Variants in YES1 observed in about 807,000 individuals in gnomAD.
YES1 encodes the protein tyrosine-protein kinase Yes.
In YES1, 39 loss-of-function variants were observed where a neutral mutation model predicts 70.4. The observed-to-expected ratio is 0.55, with a 90% CI of 0.43 to 0.72. The LOEUF (loss-of-function observed/expected upper bound fraction) is 0.72. YES1 is among the 30% of genes least tolerant of loss of function. The pLI is 0.00. For synonymous variants in YES1, 198 were observed against 218.6 expected (o/e 0.91, Z 0.83); for missense variants, 495 against 644.8 (o/e 0.77, Z 2.52).
intron 1 of YES1, among the ~76,000 whole-genome samples, chr18:792,616 T>C (rs560773557): frequency 1.3e-5 from 2 of 151,690 alleles, no homozygotes; most frequent in South Asian, 2.1e-4. Flanking sequence ...TATACATACA[T>C]ATATATACGC....
At chr18:743,967 T>C (rs1380540934) in intron 6 of YES1, among the ~76,000 whole-genome samples, 2 of 149,430 alleles carry the variant, frequency 1.3e-5, no homozygotes, top group African/African-American at 4.9e-5. Flanking sequence ...ATGTATATAC[T>C]AATATATAGT....
At chr18:801,685 A>T (rs1233245759) in intron 1 of YES1, among the ~76,000 whole-genome samples, 1 of 152,210 alleles carries the variant, frequency 6.6e-6, no homozygotes, top group Non-Finnish European at 1.5e-5. Flanking sequence ...TACAAACTAC[A>T]TATATATGTA....
chr18:755,928 C>T (rs2080400684), intron 2 of YES1, among the ~76,000 whole-genome samples: 1 of 152,082 alleles, frequency 6.6e-6, no homozygotes, highest in Non-Finnish European at 1.5e-5. Flanking sequence ...TTTTTAAGAG[C>T]CTTCTGTCTC....
Position 759,663 on chromosome 18 carries a change from C to T in YES1, c.-8-2828G>A, listed in dbSNP as rs550215449. Among the ~76,000 whole-genome samples, 18 of 152,028 alleles carry T rather than the reference C, an allele frequency of 1.2e-4. 1 individual carries two copies. Among genetic ancestry groups the T allele is most frequent in the South Asian group, 1.0e-3 (5 of 4,816 alleles). Reference sequence around the variant, plus strand: ...CAACATAGTACAATAACTATTTACACTGTATTAGGTATTATAAGTAATCTG... The same window carrying T: ...CAACATAGTACAATAACTATTTACATTGTATTAGGTATTATAAGTAATCTG... On this transcript the variant is annotated intron_variant, in intron 1 of 11. Coordinates refer to ENST00000314574, the MANE Select transcript of YES1 (RefSeq NM_005433.4).
chr18:737,187 C>G, intron 9 of YES1: 1 of 434,448 alleles, frequency 2.3e-6, no homozygotes, highest in Non-Finnish European at 4.1e-6. Context: ...GTGCGGTGGC[C>G]CACACCTATA....
chr18:743,491 T>A (rs925221928), intron 6 of YES1, 76 bp from the exon 7 acceptor site: 1 of 1,243,590 alleles, frequency 8.0e-7, no homozygotes, highest in African/African-American at 1.5e-5. Flanking sequence ...ATGTTTTAAG[T>A]TTAAACTGTA....
At chr18:796,653 G>C (rs1261932612) in intron 1 of YES1, among the ~76,000 whole-genome samples, 1 of 152,192 alleles carries the variant, frequency 6.6e-6, no homozygotes, top group African/African-American at 2.4e-5. Flanking sequence ...TGTAGTCTCA[G>C]TTGCTGAGGC....
intron 1 of YES1, among the ~76,000 whole-genome samples, chr18:778,604 C>T (rs1392837359): frequency 6.6e-6 from 1 of 152,078 alleles, no homozygotes; most frequent in African/African-American, 2.4e-5. Flanking sequence ...GGCATTTTGC[C>T]CAGATGGCTC....
At chr18:742,652 T>C (rs1205481177) in intron 8 of YES1, among the ~76,000 whole-genome samples, 1 of 152,222 alleles carries the variant, frequency 6.6e-6, no homozygotes, top group African/African-American at 2.4e-5. Context: ...CTTTCTATTT[T>C]TCACCTTTCT....
intron 1 of YES1, among the ~76,000 whole-genome samples, chr18:798,933 C>T (rs1425176675): frequency 1.3e-5 from 2 of 152,184 alleles, no homozygotes; most frequent in Admixed American, 6.5e-5. Context: ...ATTTACATAT[C>T]ACTAGCTTTT....
In YES1 at chr18:745,577, AAC is replaced by A. The variant is rs2080269585; in HGVS notation, c.724+129_724+130del. The A allele has an allele frequency of 2.6e-5, 23 of 883,382 alleles. No individual in the cohort carries two copies. In the East Asian group the frequency reaches 5.7e-4, roughly 22 times the overall value. 54.7% of individuals were successfully genotyped at this position (883,382 alleles called of 1,614,324 possible). A position where few individuals can be genotyped will look rare whatever the true frequency, so the allele number is the denominator to read the frequency against. On this transcript the variant is annotated intron_variant, in intron 6 of 11. Transcript: ENST00000314574. Reference sequence around the variant, plus strand: ...TTACCTGTTCCTCCCTTTAGAATACAACAGACATTTATTGGGCATGTATTATG... The same window carrying A: ...TTACCTGTTCCTCCCTTTAGAATACAAGACATTTATTGGGCATGTATTATG...
intron 1 of YES1, among the ~76,000 whole-genome samples, chr18:804,406 G>A (rs1286379092): frequency 2.6e-5 from 4 of 152,140 alleles, no homozygotes; most frequent in East Asian, 1.9e-4. Context: ...TCAGGAGTTC[G>A]AGACCAGCCT....
chr18:758,456 C>G (rs1034642032), intron 1 of YES1, among the ~76,000 whole-genome samples: 1 of 152,164 alleles, frequency 6.6e-6, no homozygotes, highest in East Asian at 1.9e-4. Flanking sequence ...CTCATACTTA[C>G]GCTCACACAC....
Position 807,462 on chromosome 18 carries a change from G to A in YES1, c.-9+4652C>T, listed in dbSNP as rs534983728. Among the ~76,000 whole-genome samples, 6 of 152,270 alleles carry A rather than the reference G, an allele frequency of 3.9e-5. 1 individual carries two copies. Among genetic ancestry groups the A allele is most frequent in the Admixed American group, 3.9e-4 (6 of 15,292 alleles). On this transcript the variant is annotated intron_variant, in intron 1 of 11. Transcript: ENST00000314574. The stretch of plus-strand genomic sequence containing the variant: ...TGCGGTGAGCTGTGACTGCACCACT[G>A]CACTCCAGTCTGGGCAACAGAGCAA...
At chr18:761,082 G>T (rs1904569962) in intron 1 of YES1, among the ~76,000 whole-genome samples, 1 of 151,980 alleles carries the variant, frequency 6.6e-6, no homozygotes, top group Non-Finnish European at 1.5e-5. Flanking sequence ...TACCTTTTGT[G>T]GTTACCAGAC....
chr18:767,978 G>C lies in YES1; in HGVS notation c.-8-11143C>G, dbSNP rs569038954. Among the ~76,000 whole-genome samples, 10 of 152,316 alleles carry C rather than the reference G, an allele frequency of 6.6e-5. 1 individual carries two copies. The South Asian group carries it at 2.1e-3, about 32-fold the overall frequency. The stretch of plus-strand genomic sequence containing the variant: ...GGCCTCCCAAAGTGATGGAATTACA[G>C]GCATGAGCCACTGTGCCCAGCCTTT... On this transcript the variant is annotated intron_variant, in intron 1 of 11. Coordinates refer to ENST00000314574, the MANE Select transcript of YES1 (RefSeq NM_005433.4).
chr18:809,219 A>C (rs1393524845), intron 1 of YES1, among the ~76,000 whole-genome samples: 1 of 152,196 alleles, frequency 6.6e-6, no homozygotes, highest in African/African-American at 2.4e-5. Flanking sequence ...TATTAAAACA[A>C]TTAAGTTATT....
At chr18:793,319 G>A (rs189851847) in intron 1 of YES1, among the ~76,000 whole-genome samples, 50 of 152,040 alleles carry the variant, frequency 3.3e-4, no homozygotes, top group African/African-American at 1.1e-3. Context: ...GATTACAGGC[G>A]TGAGCCACCG....
At chr18:731,966 C>CAAAAAAAAAAAAAA (rs1165333694) in intron 11 of YES1, among the ~76,000 whole-genome samples, 64 of 79,970 alleles carry the variant, frequency 8.0e-4, no homozygotes, top group African/African-American at 3.0e-3. Flanking sequence ...GACTCCATTT[C>CAAAAAAAAAAAAAA]AAAAAAAAAA....
Sources: allele counts gnomAD v4.1 joint callset (sites outside exome capture counted in the v4.1 genomes callset), GRCh38; gene constraint gnomAD v4.1.1; transcripts MANE v1.5; gene names NCBI Gene and HGNC (gene_info 2026-07-23, HGNC 2026-07-21).